NELL1: variants seen among roughly 807,000 people sequenced by gnomAD.
NELL1 encodes the protein protein kinase C-binding protein NELL1.
A neutral mutation model predicts 107.4 loss-of-function variants in NELL1; 76 were observed. The ratio of observed to expected loss-of-function variants is 0.71; its 90% CI spans 0.59 to 0.86. NELL1 has a LOEUF of 0.86. Ranked by LOEUF, NELL1 falls within the 40% of genes least tolerant of loss-of-function variation. The probability of loss-of-function intolerance (pLI) is 0.00; values close to 1 mark genes in which losing one functional copy is unlikely to be tolerated. For synonymous variants in NELL1, 353 were observed against 341.2 expected, an observed-to-expected ratio of 1.03 and a Z score of -0.38; for missense variants, 1,024 against 1,005.5, an observed-to-expected ratio of 1.02 and a Z score of -0.25.
At position 20,674,170 on chromosome 11, in the gene NELL1, A is replaced by T. The variant is rs979112888; in HGVS notation, c.56-3762A>T. Among the ~76,000 whole-genome samples the T allele has an allele frequency of 2.6e-5, 4 of 152,136 alleles. No individual in the cohort carries two copies. The East Asian group carries it at 7.7e-4, about 29-fold the overall frequency. ...GCAGGGAGTTGGGGAGCGAATATAC[A>T]TGTCATATATGGATTTTACTAGCAA... On this transcript the variant is annotated intron_variant, in intron 1 of 19. Coordinates refer to ENST00000357134, the MANE Select transcript of NELL1 (RefSeq NM_006157.5).
intron 14 of NELL1, among the ~76,000 whole-genome samples, chr11:21,340,609 T>G (rs1850541104): frequency 7.3e-6 from 1 of 137,344 alleles, no homozygotes; most frequent in Admixed American, 7.8e-5. Flanking sequence ...ACCTAACCCT[T>G]TATGACGGGT....
chr11:21,473,320 C>T (rs1234561538), intron 15 of NELL1, among the ~76,000 whole-genome samples: 1 of 151,910 alleles, frequency 6.6e-6, no homozygotes, highest in Non-Finnish European at 1.5e-5. Flanking sequence ...ACCCTTAAAC[C>T]TCTTGAGATT....
At chr11:20,756,361 T>C (rs1269748230) in intron 2 of NELL1, among the ~76,000 whole-genome samples, 1 of 150,250 alleles carries the variant, frequency 6.7e-6, no homozygotes, top group African/African-American at 2.5e-5. Context: ...TTTTTTGAGA[T>C]GGAGTCTCAC....
rs1308397747 is a variant in NELL1, at chr11:21,012,428, C to G, written c.1300+51868C>G. 2.6e-5 allele frequency among the ~76,000 whole-genome samples: 4 copies of G among 152,062 alleles called. No homozygotes were observed. In the East Asian group the frequency reaches 7.7e-4, roughly 29 times the overall value. The stretch of plus-strand genomic sequence containing the variant: ...AGGGTCATCAGAAACCTGCTCACCC[C>G]CATCCTGCATGGGAGTGGCTGGCAT... On this transcript the variant is annotated intron_variant, in intron 12 of 19. Coordinates refer to ENST00000357134, the MANE Select transcript of NELL1 (RefSeq NM_006157.5).
intron 4 of NELL1, 38 bp from the exon 5 acceptor site, chr11:20,885,406 A>C (rs376645044): frequency 3.7e-6 from 5 of 1,336,290 alleles, no homozygotes; most frequent in African/African-American, 1.4e-5. Context: ...TTCTGCTTTG[A>C]GCCTCTCTAT....
At chr11:20,812,080 A>G (rs1857512615) in intron 3 of NELL1, among the ~76,000 whole-genome samples, 1 of 152,168 alleles carries the variant, frequency 6.6e-6, no homozygotes, top group Non-Finnish European at 1.5e-5. Context: ...AATTTGTTAT[A>G]TATGACCTTT....
intron 2 of NELL1, among the ~76,000 whole-genome samples, chr11:20,691,735 C>G (rs1353666269): frequency 2.0e-5 from 3 of 151,780 alleles, no homozygotes; most frequent in Admixed American, 6.6e-5. Context: ...GGATATTGGT[C>G]TAAAATTCTC....
chr11:21,285,113 G>A (rs1028015705), intron 14 of NELL1, among the ~76,000 whole-genome samples: 2 of 152,158 alleles, frequency 1.3e-5, no homozygotes, highest in Non-Finnish European at 2.9e-5. Context: ...GGGGGCCTGT[G>A]TGAACCAAAA....
At chr11:21,241,906 T>TA (rs1565126872) in intron 14 of NELL1, among the ~76,000 whole-genome samples, 1,449 of 88,472 alleles carry the variant, frequency 0.016, 19 homozygotes, top group African/African-American at 0.073. Context: ...CTGTTTCTAT[T>TA]TTTTTTTTTT....
intron 16 of NELL1, among the ~76,000 whole-genome samples, chr11:21,545,195 T>C (rs1022248358): frequency 5.9e-5 from 9 of 152,168 alleles, no homozygotes; most frequent in African/African-American, 1.9e-4. Context: ...TTCCACATTG[T>C]CAAGCTAATC....
chr11:20,748,067 A>G (rs1421201510), intron 2 of NELL1, among the ~76,000 whole-genome samples: 1 of 152,212 alleles, frequency 6.6e-6, no homozygotes, highest in Admixed American at 6.5e-5. Flanking sequence ...TAGCCCTCCA[A>G]CATGTCAGTT....
chr11:20,670,832 C>T (rs935622324), intron 1 of NELL1, among the ~76,000 whole-genome samples: 45 of 145,974 alleles, frequency 3.1e-4, no homozygotes, highest in Admixed American at 1.4e-4. Context: ...CCTTTATTCT[C>T]CCCCCTTTAC....
chr11:21,303,129 C>G (rs1474817061), intron 14 of NELL1, among the ~76,000 whole-genome samples: 1 of 134,874 alleles, frequency 7.4e-6, no homozygotes, highest in African/African-American at 2.6e-5. Flanking sequence ...TTCTGTCTAT[C>G]TATACACATA....
intron 12 of NELL1, among the ~76,000 whole-genome samples, chr11:21,055,165 T>C (rs1853583515): frequency 6.6e-6 from 1 of 152,074 alleles, no homozygotes; most frequent in South Asian, 2.1e-4. Context: ...TGTCTTTTAT[T>C]ATATGGAAAA....
intron 13 of NELL1, among the ~76,000 whole-genome samples, chr11:21,163,613 T>C (rs566728575): frequency 6.6e-6 from 1 of 152,134 alleles, no homozygotes; most frequent in Non-Finnish European, 1.5e-5. Context: ...TAAAATACTG[T>C]ATACTGGGTG....
At chr11:21,446,796 A>G (rs10833534) in intron 15 of NELL1, among the ~76,000 whole-genome samples, 86,888 of 152,024 alleles carry the variant, frequency 0.57, 27,158 homozygotes, top group African/African-American at 0.82. Flanking sequence ...GTTGGTTCAA[A>G]GCCTTGGGGC....
intron 13 of NELL1, among the ~76,000 whole-genome samples, chr11:21,155,690 G>A (rs1856216019): frequency 6.6e-6 from 1 of 152,166 alleles, no homozygotes; most frequent in South Asian, 2.1e-4. Context: ...AGAAGTCAGA[G>A]GGCTTTATAT....
chr11:20,974,725 A>G (rs1516746), intron 12 of NELL1, among the ~76,000 whole-genome samples: 56,899 of 151,952 alleles, frequency 0.37, 11,520 homozygotes, highest in East Asian at 0.6. Flanking sequence ...GCTCTTCTGG[A>G]AATCTATAGC....
intron 12 of NELL1, among the ~76,000 whole-genome samples, chr11:21,072,482 CA>C (rs1854038179): frequency 6.6e-6 from 1 of 152,162 alleles, no homozygotes; most frequent in Admixed American, 6.6e-5. Context: ...TCATTTTAAA[CA>C]TCAATAGTTC....
Sources: allele counts gnomAD v4.1 joint callset (sites outside exome capture counted in the v4.1 genomes callset), GRCh38; gene constraint gnomAD v4.1.1; transcripts MANE v1.5; gene names NCBI Gene and HGNC (gene_info 2026-07-23, HGNC 2026-07-21).